Variants in SMPX observed in about 807,000 individuals in gnomAD.
The protein encoded by SMPX is small muscle protein X-linked, also known as small muscular protein.
Under a neutral mutation model 6.3 loss-of-function variants are expected in SMPX, and 2 were observed. The ratio of observed to expected loss-of-function variants is 0.32; its 90% CI spans 0.13 to 0.99. The LOEUF is 0.99. Among genes scored for constraint, SMPX ranks in the 50% least tolerant of loss-of-function variants. The pLI, the probability that SMPX is intolerant of heterozygous loss-of-function variation, is 0.49. For missense variants in SMPX, 60 were observed against 66.8 expected (o/e 0.90, Z 0.36); for synonymous variants, 32 against 24.7 (o/e 1.30, Z -0.88).
chrX:21,710,251 T>C (rs1486346546), intron 4 of SMPX, among the ~76,000 whole-genome samples: 1 of 112,333 alleles, frequency 8.9e-6, no homozygotes, highest in African/African-American at 3.2e-5. Flanking sequence ...TAATGTCTTT[T>C]GCAGCAACTT....
intron 4 of SMPX, among the ~76,000 whole-genome samples, chrX:21,724,390 G>A (rs1332837414): frequency 2.7e-5 from 3 of 112,521 alleles, no homozygotes; most frequent in Non-Finnish European, 3.8e-5. Context: ...TATGTGGTAT[G>A]TTTGTATGTG....
At chrX:21,721,325 T>G (rs2092791509) in intron 4 of SMPX, among the ~76,000 whole-genome samples, 1 of 111,907 alleles carries the variant, frequency 8.9e-6, no homozygotes, top group South Asian at 3.8e-4. Flanking sequence ...GTCCTGAACT[T>G]AGTATCTCTT....
At chrX:21,714,681 A>G (rs1255783921) in intron 4 of SMPX, among the ~76,000 whole-genome samples, 2 of 112,098 alleles carry the variant, frequency 1.8e-5, no homozygotes, top group African/African-American at 6.5e-5. Context: ...TGTCTTTTTC[A>G]CGATCACTTT....
chrX:21,741,646 G>C (rs757236249), intron 3 of SMPX, among the ~76,000 whole-genome samples: 1 of 111,218 alleles, frequency 9.0e-6, no homozygotes, highest in African/African-American at 3.3e-5. Context: ...AATCCTGAGA[G>C]TTTATTTCTG....
chrX:21,745,363 C>T, intron 2 of SMPX, among the ~76,000 whole-genome samples: 1 of 111,464 alleles, frequency 9.0e-6, no homozygotes, highest in Middle Eastern at 4.6e-3. Context: ...AAAGATTTGT[C>T]TTATATGGTG....
Position 21,747,115 on chromosome X carries a change from G to A in SMPX, c.46-3279C>T, listed in dbSNP as rs2092822314. On this transcript the variant is annotated intron_variant, in intron 2 of 4. Transcript: ENST00000379494. ...ACTTTTATGAAATAATAAACAAACAGAAAATGTTTAACACCAATGACCTAG... is the reference window on the plus strand; with the variant it reads ...ACTTTTATGAAATAATAAACAAACAAAAAATGTTTAACACCAATGACCTAG... 4.5e-5 allele frequency among the ~76,000 whole-genome samples: 5 copies of A among 111,636 alleles called. No homozygotes were observed. The Admixed American group carries it at 4.7e-4, about 11-fold the overall frequency.
At chrX:21,750,587 A>C (rs1243556347) in intron 2 of SMPX, among the ~76,000 whole-genome samples, 1 of 112,446 alleles carries the variant, frequency 8.9e-6, no homozygotes. Context: ...TTAGGGGACA[A>C]AGGCCCTCCC....
chrX:21,743,486 G>A (rs1421258601), intron 3 of SMPX, among the ~76,000 whole-genome samples: 2 of 111,713 alleles, frequency 1.8e-5, no homozygotes, highest in Non-Finnish European at 3.8e-5. Context: ...CAACAGACTG[G>A]AAGTTAAACT....
intron 4 of SMPX, among the ~76,000 whole-genome samples, chrX:21,724,875 T>C (rs769552740): frequency 8.9e-6 from 1 of 112,361 alleles, no homozygotes; most frequent in South Asian, 3.8e-4. Flanking sequence ...AAAGAGAGAA[T>C]GGACATGGAA....
chrX:21,751,928 C>T (rs1451926828), intron 2 of SMPX, among the ~76,000 whole-genome samples: 5 of 112,238 alleles, frequency 4.5e-5, no homozygotes, highest in African/African-American at 1.6e-4. Flanking sequence ...ATGTACCCTA[C>T]TTAAGGTTAA....
chrX:21,708,557 G>C (rs2092775391), intron 4 of SMPX, among the ~76,000 whole-genome samples: 1 of 112,147 alleles, frequency 8.9e-6, no homozygotes, highest in African/African-American at 3.2e-5. Flanking sequence ...CTGGTAGATA[G>C]AAAAGCTGGG....
rs146059120 is a variant in SMPX at position 21,725,485 on chromosome X, A to G, written c.*14+12064T>C. Among the ~76,000 whole-genome samples the G allele has an allele frequency of 6.7e-3, 754 of 112,840 alleles. 7 individuals are homozygous for G. Among genetic ancestry groups the G allele is most frequent in the African/African-American group, 0.023 (704 of 31,071 alleles). ...AGTATTTCTTAAGCTGATTCTCTTC[A>G]GAGAAAAATCAAATTACAAACGAGA... On this transcript the variant is annotated intron_variant, in intron 4 of 4. Transcript: ENST00000379494.
intron 4 of SMPX, among the ~76,000 whole-genome samples, chrX:21,712,658 G>C (rs968978294): frequency 9.0e-6 from 1 of 110,717 alleles, no homozygotes; most frequent in African/African-American, 3.3e-5. Context: ...TCTCTAAAGG[G>C]GCCACCGACT....
intron 4 of SMPX, among the ~76,000 whole-genome samples, chrX:21,706,971 A>G (rs1206036464): frequency 1.8e-5 from 2 of 109,361 alleles, no homozygotes; most frequent in Non-Finnish European, 3.8e-5. Flanking sequence ...TTTCCTTTAT[A>G]AGTTACCCAG....
chrX:21,722,150 G>A (rs1020113097), intron 4 of SMPX, among the ~76,000 whole-genome samples: 3 of 111,119 alleles, frequency 2.7e-5, no homozygotes, highest in East Asian at 5.7e-4. Flanking sequence ...AACAGAGTGA[G>A]GCCCTGTCTC....
chrX:21,743,712 A>G, intron 3 of SMPX, 38 bp downstream of exon 3: 1 of 1,122,156 alleles, frequency 8.9e-7, no homozygotes, highest in Non-Finnish European at 1.2e-6. Context: ...TTAGAAGGGA[A>G]AAACATTGCT....
chrX:21,741,759 A>G (rs1419586471), intron 3 of SMPX, among the ~76,000 whole-genome samples: 2 of 111,820 alleles, frequency 1.8e-5, no homozygotes, highest in Non-Finnish European at 3.8e-5. Context: ...CTGTTGGACA[A>G]TAAGTTGTTA....
At chrX:21,730,614 C>T (rs1199453776) in intron 4 of SMPX, among the ~76,000 whole-genome samples, 1 of 111,641 alleles carries the variant, frequency 9.0e-6, no homozygotes, top group Non-Finnish European at 1.9e-5. Flanking sequence ...AAGTTGCAAA[C>T]GTAGAAGGAA....
intron 1 of SMPX, among the ~76,000 whole-genome samples, chrX:21,757,392 G>A (rs537353920): frequency 1.8e-5 from 2 of 111,598 alleles, no homozygotes; most frequent in African/African-American, 6.5e-5. Flanking sequence ...CTACCCTGCT[G>A]AGTATGGGAA....
Sources: gnomAD v4.1 joint callset for allele counts (sites outside exome capture counted in the v4.1 genomes callset) on GRCh38, gnomAD v4.1.1 for gene constraint, MANE v1.5 for transcripts, NCBI Gene and HGNC (gene_info 2026-07-23, HGNC 2026-07-21) for gene names.